The following TCF12 variants were observed in gnomAD, a reference collection of about 807,000 sequenced individuals.
TCF12 encodes the protein DNA-binding protein HTF4.
In TCF12, 45 loss-of-function variants were observed where a neutral mutation model predicts 86.0. That is an observed-to-expected ratio of 0.52 (90% CI 0.41 to 0.67). TCF12 has a LOEUF of 0.67. Among genes scored for constraint, TCF12 ranks in the 30% least tolerant of loss-of-function variants. The pLI is 0.00. For missense variants in TCF12, 881 were observed against 859.9 expected (o/e 1.02, Z -0.31); for synonymous variants, 330 against 299.6 (o/e 1.10, Z -1.05).
intron 3 of TCF12, among the ~76,000 whole-genome samples, chr15:57,032,387 T>C (rs1477382733): frequency 3.9e-5 from 6 of 152,180 alleles, no homozygotes; most frequent in Non-Finnish European, 8.8e-5. Context: ...AACAAAAATA[T>C]AAATATACCT....
chr15:56,944,000 A>G (rs2060889065), intron 3 of TCF12, among the ~76,000 whole-genome samples: 1 of 152,118 alleles, frequency 6.6e-6, no homozygotes, highest in South Asian at 2.1e-4. Context: ...AGAACCATTG[A>G]AGTGTGTGTC....
intron 3 of TCF12, among the ~76,000 whole-genome samples, chr15:56,990,151 C>CTTTTTTTTTTTTTTT (rs372235874): frequency 4.3e-5 from 4 of 92,722 alleles, no homozygotes; most frequent in East Asian, 3.0e-4. Flanking sequence ...ATAGTCTTGT[C>CTTTTTTTTTTTTTTT]TTTTTTTTTT....
At chr15:57,284,104 CTG>C (rs2061825717) in intron 20 of TCF12, among the ~76,000 whole-genome samples, 1 of 152,206 alleles carries the variant, frequency 6.6e-6, no homozygotes, top group African/African-American at 2.4e-5. Flanking sequence ...GTTTCATACT[CTG>C]TAGAAAATAT....
At chr15:57,004,912 A>G (rs1285885867) in intron 3 of TCF12, among the ~76,000 whole-genome samples, 1 of 152,266 alleles carries the variant, frequency 6.6e-6, no homozygotes, top group Non-Finnish European at 1.5e-5. Context: ...AAGAAAATTT[A>G]GAAATTCATT....
At chr15:56,983,534 A>C (rs1421756979) in intron 3 of TCF12, among the ~76,000 whole-genome samples, 1 of 152,162 alleles carries the variant, frequency 6.6e-6, no homozygotes, top group Non-Finnish European at 1.5e-5. Context: ...ATTAGTGGTA[A>C]ATACTATATA....
At chr15:57,159,472 G>T (rs1251894714) in intron 5 of TCF12, among the ~76,000 whole-genome samples, 3 of 152,182 alleles carry the variant, frequency 2.0e-5, no homozygotes, top group Admixed American at 2.0e-4. Flanking sequence ...AGACACTCAA[G>T]GGGGAGGAGG....
rs1310476594 is a variant in TCF12 at position 57,063,772 on chromosome 15, A to G, written c.171A>G (p.Thr57=). The change falls in exon 4 of 21, where the codon ACA becomes ACG. Residue 57 remains threonine (T), a synonymous_variant. Transcript: ENST00000333725. The part of the protein sequence containing the change: ...SGSGIDERGG[T]TSWGTSGQPS... ...TAGGTATTGATGAAAGAGGAGGTACAACATCTTGGGGAACAAGTGGTCAAC... is the reference window on the plus strand; with the variant it reads ...TAGGTATTGATGAAAGAGGAGGTACGACATCTTGGGGAACAAGTGGTCAAC... 1 of 1,603,780 alleles carries G rather than the reference A, an allele frequency of 6.2e-7. No homozygotes were observed. Among genetic ancestry groups the G allele is most frequent in the African/African-American group, 1.3e-5 (1 of 74,824 alleles).
intron 5 of TCF12, among the ~76,000 whole-genome samples, chr15:57,161,252 G>A (rs1046153414): frequency 1.3e-5 from 2 of 152,226 alleles, no homozygotes; most frequent in Admixed American, 6.5e-5. Flanking sequence ...AAGTATATTA[G>A]TGGTAGAGAG....
chr15:57,026,052 A>C (rs1232819917), intron 3 of TCF12, among the ~76,000 whole-genome samples: 1 of 152,238 alleles, frequency 6.6e-6, no homozygotes, highest in African/African-American at 2.4e-5. Flanking sequence ...TGTAGAAGAT[A>C]ATATAGATTT....
chr15:56,952,189 T>TACACAC lies in TCF12; in HGVS notation c.148+31105_148+31110dup, dbSNP rs58480587. On this transcript the variant is annotated intron_variant, in intron 3 of 20. Coordinates refer to ENST00000333725, the MANE Select transcript of TCF12 (RefSeq NM_207037.2). ...TATAAAAAAGGCTTTTTTGTGTATA[T>TACACAC]ACACACACACACACACACAAATACA... Among the ~76,000 whole-genome samples, 1,174 of 150,384 alleles carry TACACAC rather than the reference T, an allele frequency of 7.8e-3. 11 individuals are homozygous for TACACAC. The highest frequency in any genetic ancestry group is 0.022 in the Admixed American group (333 of 15,134).
intron 8 of TCF12, among the ~76,000 whole-genome samples, chr15:57,219,743 G>T (rs2058497494): frequency 1.4e-5 from 2 of 147,710 alleles, no homozygotes; most frequent in South Asian, 2.1e-4. Flanking sequence ...TTTTTTGCGG[G>T]GGGACGGAGT....
intron 3 of TCF12, among the ~76,000 whole-genome samples, chr15:57,059,074 C>G (rs763506152): frequency 6.6e-6 from 1 of 152,090 alleles, no homozygotes; most frequent in Non-Finnish European, 1.5e-5. Context: ...TATTGGATCC[C>G]CCTACAGCAG....
chr15:57,098,009 C>CAAAAAAAAAA (rs72046243), intron 5 of TCF12, among the ~76,000 whole-genome samples: 3 of 48,408 alleles, frequency 6.2e-5, no homozygotes, highest in African/African-American at 1.9e-4. Flanking sequence ...TACAAAAATA[C>CAAAAAAAAAA]AAAAAAAAAA....
intron 3 of TCF12, among the ~76,000 whole-genome samples, chr15:57,048,238 T>TTTTG (rs528115373): frequency 5.9e-5 from 9 of 151,886 alleles, no homozygotes; most frequent in East Asian, 3.9e-4. Flanking sequence ...CCTGAAGTTT[T>TTTTG]TTTGTTTGTT....
chr15:56,985,139 T>C (rs2063120122), intron 3 of TCF12, among the ~76,000 whole-genome samples: 1 of 152,204 alleles, frequency 6.6e-6, no homozygotes. Flanking sequence ...CATGAGAAGA[T>C]ACACTTTTAT....
Position 57,263,271 on chromosome 15 carries a change from C to T in TCF12, c.1742C>T (p.Thr581Ile). The change falls in exon 18 of 21, where the codon ACA becomes ATA. Residue 581 changes from threonine to isoleucine, a missense_variant. By Grantham distance (89) the Thr-to-Ile change is moderately conservative. Around this residue, in one of 3 missense-constraint regions of TCF12, gnomAD observed 766 missense variants for 718.9 expected, o/e 1.07. Transcript: ENST00000333725. ...ATCAAGGTTTCATCTAGAGGCAGAACAAGGTATTTGTTAGCATCCAGGTTT... is the reference window on the plus strand; with the variant it reads ...ATCAAGGTTTCATCTAGAGGCAGAATAAGGTATTTGTTAGCATCCAGGTTT... ...KDIKVSSRGR[T>I]SSTNEDEDLN... 6.2e-7 allele frequency: 1 copy of T among 1,606,690 alleles called. No homozygotes were observed. The highest frequency in any genetic ancestry group is 1.1e-5 in the South Asian group (1 of 88,906).
intron 3 of TCF12, among the ~76,000 whole-genome samples, chr15:57,043,953 T>A (rs2067061421): frequency 6.6e-6 from 1 of 152,140 alleles, no homozygotes. Flanking sequence ...CTTTTTTTTT[T>A]ATCTTGCTTT....
At chr15:57,280,760 G>T (rs16977361) in intron 19 of TCF12, among the ~76,000 whole-genome samples, 2,056 of 152,220 alleles carry the variant, frequency 0.014, 52 homozygotes, top group African/African-American at 0.043. Flanking sequence ...TGTACTAATG[G>T]TATATCGGCT....
At chr15:57,023,034 C>G (rs1188869097) in intron 3 of TCF12, among the ~76,000 whole-genome samples, 2 of 152,096 alleles carry the variant, frequency 1.3e-5, no homozygotes, top group African/African-American at 4.8e-5. Context: ...CTTCCTGTTT[C>G]TGTTGTATAA....
Sources: gnomAD v4.1 joint callset for allele counts (sites outside exome capture counted in the v4.1 genomes callset) on GRCh38, gnomAD v4.1.1 for gene constraint, gnomAD v4.1.1 regional missense constraint, MANE v1.5 for transcripts, NCBI Gene and HGNC (gene_info 2026-07-23, HGNC 2026-07-21) for gene names.